The following DPP10 variants were observed in gnomAD, a reference collection of about 807,000 sequenced individuals.
DPP10 encodes the protein dipeptidyl peptidase like 10.
A neutral mutation model predicts 120.9 loss-of-function variants in DPP10; 33 were observed. The observed-to-expected ratio is 0.27, with a 90% CI of 0.21 to 0.37. The LOEUF is 0.37. Ranked by LOEUF, DPP10 falls within the 10% of genes least tolerant of loss-of-function variation. DPP10 has a pLI of 1.00. For missense variants in DPP10, 816 were observed against 942.8 expected (o/e 0.87, Z 1.76); for synonymous variants, 337 against 326.1 (o/e 1.03, Z -0.36).
chr2:114,913,934 T>C (rs1162000442), intron 1 of DPP10, among the ~76,000 whole-genome samples: 1 of 152,146 alleles, frequency 6.6e-6, no homozygotes, highest in African/African-American at 2.4e-5. Flanking sequence ...TACAATGCAA[T>C]TGGAAGTATT....
intron 1 of DPP10, among the ~76,000 whole-genome samples, chr2:115,130,472 G>A (rs1468345772): frequency 6.7e-6 from 1 of 150,354 alleles, no homozygotes; most frequent in Admixed American, 6.6e-5. Flanking sequence ...TTCCATCCAT[G>A]CATCCATCCA....
chr2:114,616,199 G>A (rs1693661992), intron 1 of DPP10, among the ~76,000 whole-genome samples: 1 of 152,100 alleles, frequency 6.6e-6, no homozygotes, highest in Non-Finnish European at 1.5e-5. Context: ...AATTACACAT[G>A]AATTGTCTTT....
At chr2:114,443,259 T>TA (rs1677758280) in intron 1 of DPP10, among the ~76,000 whole-genome samples, 3 of 152,096 alleles carry the variant, frequency 2.0e-5, no homozygotes, top group East Asian at 1.9e-4. Flanking sequence ...TATCCTTTTT[T>TA]AAAAAAAGCT....
chr2:115,415,230 A>G (rs1166414804), intron 3 of DPP10, among the ~76,000 whole-genome samples: 1 of 152,024 alleles, frequency 6.6e-6, no homozygotes, highest in Non-Finnish European at 1.5e-5. Flanking sequence ...GCACCCGTTT[A>G]TCTGGCTGCG....
At chr2:115,570,917 C>T (rs557890004) in intron 5 of DPP10, among the ~76,000 whole-genome samples, 1 of 152,146 alleles carries the variant, frequency 6.6e-6, no homozygotes, top group Non-Finnish European at 1.5e-5. Context: ...ACGTATTTCA[C>T]CTGGCATTTG....
At chr2:115,432,978 C>T (rs1457780032) in intron 3 of DPP10, among the ~76,000 whole-genome samples, 1 of 151,910 alleles carries the variant, frequency 6.6e-6, no homozygotes, top group African/African-American at 2.4e-5. Flanking sequence ...ATCCAAGTGC[C>T]TTGTCATCTA....
chr2:115,224,314 A>G (rs2057327079), intron 1 of DPP10, among the ~76,000 whole-genome samples: 1 of 152,140 alleles, frequency 6.6e-6, no homozygotes, highest in Non-Finnish European at 1.5e-5. Context: ...AAAAAAGGTC[A>G]TATGACCATA....
chr2:114,499,460 A>G (rs918517897), intron 1 of DPP10, among the ~76,000 whole-genome samples: 5 of 152,174 alleles, frequency 3.3e-5, no homozygotes, highest in African/African-American at 9.7e-5. Flanking sequence ...GGACAACTCT[A>G]TAGTACACTC....
chr2:115,690,200 T>C (rs2149498022), intron 7 of DPP10, among the ~76,000 whole-genome samples: 1 of 152,290 alleles, frequency 6.6e-6, no homozygotes, highest in Middle Eastern at 3.4e-3. Flanking sequence ...ACTAGGACCT[T>C]GTACTGCATA....
intron 1 of DPP10, among the ~76,000 whole-genome samples, chr2:114,556,683 C>T (rs1289027997): frequency 6.6e-6 from 1 of 151,988 alleles, no homozygotes; most frequent in Non-Finnish European, 1.5e-5. Flanking sequence ...AAAGTGTATA[C>T]ATAGAGAAGA....
At chr2:115,429,231 T>TAA (rs11447043) in intron 3 of DPP10, among the ~76,000 whole-genome samples, 3 of 151,346 alleles carry the variant, frequency 2.0e-5, no homozygotes, top group East Asian at 1.9e-4. Context: ...TAAAATATAT[T>TAA]AAAAAAAATT....
intron 5 of DPP10, among the ~76,000 whole-genome samples, chr2:115,633,401 G>T (rs1382311384): frequency 1.3e-5 from 2 of 152,098 alleles, no homozygotes; most frequent in East Asian, 3.9e-4. Flanking sequence ...TGGACACAGG[G>T]TGGGGAACAT....
chr2:114,618,883 C>T (rs980802028), intron 1 of DPP10, among the ~76,000 whole-genome samples: 10 of 151,876 alleles, frequency 6.6e-5, no homozygotes, highest in Admixed American at 5.9e-4. Context: ...GGGAGCAGGG[C>T]GGCTTTGCGT....
At chr2:115,747,577 G>A (rs1678140900) in intron 10 of DPP10, among the ~76,000 whole-genome samples, 1 of 149,398 alleles carries the variant, frequency 6.7e-6, no homozygotes, top group Non-Finnish European at 1.5e-5. Flanking sequence ...ACCTCTCTCA[G>A]GGCTGAATCC....
At chr2:115,472,692 G>T (rs1203951926) in intron 3 of DPP10, among the ~76,000 whole-genome samples, 1 of 152,214 alleles carries the variant, frequency 6.6e-6, no homozygotes, top group Non-Finnish European at 1.5e-5. Flanking sequence ...ATCTTTACTA[G>T]GTGAAGAATG....
chr2:114,748,420 T>A (rs187587398), intron 1 of DPP10, among the ~76,000 whole-genome samples: 1 of 145,544 alleles, frequency 6.9e-6, no homozygotes, highest in African/African-American at 2.5e-5. Flanking sequence ...TTTTTTATTA[T>A]ACTTTAAGTT....
chr2:114,694,614 G>A (rs183253172), intron 1 of DPP10, among the ~76,000 whole-genome samples: 83 of 151,922 alleles, frequency 5.5e-4, no homozygotes, highest in Middle Eastern at 3.4e-3. Context: ...TTCTGTGTAG[G>A]ACAAATTTCA....
intron 1 of DPP10, among the ~76,000 whole-genome samples, chr2:114,580,635 T>C (rs546909210): frequency 1.2e-4 from 18 of 152,310 alleles, no homozygotes; most frequent in South Asian, 1.0e-3. Context: ...CTGCCTGGTC[T>C]TTCTGGTCAA....
At position 115,288,943 on chromosome 2, in the gene DPP10, G is replaced by C. The variant is rs946637284; in HGVS notation, c.61-20296G>C. 1.9e-4 allele frequency among the ~76,000 whole-genome samples: 29 copies of C among 152,196 alleles called. 1 individual carries two copies. The highest frequency in any genetic ancestry group is 5.2e-4 in the Admixed American group (8 of 15,284). The stretch of plus-strand genomic sequence containing the variant: ...AACACAGTACTGGAAGTCCTAGACA[G>C]AGCAATCATGCAAGAGAAGGAAATA... On this transcript the variant is annotated intron_variant, in intron 1 of 25. Transcript: ENST00000410059.
Sources: allele counts gnomAD v4.1 joint callset (sites outside exome capture counted in the v4.1 genomes callset), GRCh38; gene constraint gnomAD v4.1.1; transcripts MANE v1.5; gene names NCBI Gene and HGNC (gene_info 2026-07-23, HGNC 2026-07-21).